Variants in A2M observed in about 807,000 individuals in gnomAD.
A2M encodes the protein alpha-2-macroglobulin, also known as C3 and PZP-like alpha-2-macroglobulin domain-containing protein 5.
A neutral mutation model predicts 183.9 loss-of-function variants in A2M; 128 were observed. That is an observed-to-expected ratio of 0.70 (90% confidence interval 0.60 to 0.81). A2M has a LOEUF of 0.81. A2M is among the 30% of genes least tolerant of loss of function. A2M has a pLI of 0.00. For missense variants in A2M, 1,495 were observed against 1,787.6 expected (o/e 0.84, Z 2.95); for synonymous variants, 592 against 670.8 (o/e 0.88, Z 1.81).
intron 24 of A2M, 139 bp from the exon 25 acceptor site, chr12:9,079,470 A>G: frequency 8.8e-7 from 1 of 1,130,202 alleles, no homozygotes; most frequent in East Asian, 2.5e-5. Context: ...TGAGCCTTAA[A>G]TATTTTATTG....
chr12:9,101,741 C>T (rs1937874924), intron 11 of A2M, 67 bp from the exon 12 acceptor site: 1 of 1,310,636 alleles, frequency 7.6e-7, no homozygotes. Flanking sequence ...TCTCACAAAA[C>T]TACGTAAGTT....
At position 9,069,603 on chromosome 12, in the gene A2M, G is replaced by T. The variant is rs1446957242; in HGVS notation, c.4263+142C>A. ...GGTGAAATATAAATAAAGGAGAGAA[G>T]AACATTCTTTTAGAGTTAACATTAG... On this transcript the variant is annotated intron_variant, in intron 33 of 35. Coordinates refer to ENST00000318602, the MANE Select transcript of A2M (RefSeq NM_000014.6). 5 of 555,784 alleles carry T rather than the reference G, an allele frequency of 9.0e-6. 1 individual carries two copies. The South Asian group carries it at 1.9e-4, about 21-fold the overall frequency. The allele number at this position is 555,784 out of a possible 1,614,324, so 34.4% of individuals were successfully genotyped here. A position where few individuals can be genotyped will look rare whatever the true frequency, so the allele number is the denominator to read the frequency against.
In A2M at chr12:9,112,493, A is replaced by G. The variant is rs763625244; in HGVS notation, c.314T>C (p.Val105Ala). Reference protein sequence around the residue: ...SSNEEVMFLTVQVKGPTQEFK... With the variant: ...SSNEEVMFLTAQVKGPTQEFK... ...TTCTTGGGTTGGTCCTTTCACTTGG[A>G]CAGTGAGGAACATTACCTCCTCATT... The change falls in exon 3 of 36, where the codon GTC (valine) becomes GCC (alanine). Residue 105 changes from valine to alanine, a missense_variant. Transcript: ENST00000318602. 3 of 1,613,724 alleles carry G rather than the reference A, an allele frequency of 1.9e-6. No homozygotes were observed. The South Asian group carries it at 3.3e-5, about 18-fold the overall frequency.
At chr12:9,069,587 T>C (rs930387903) in intron 33 of A2M, among the ~76,000 whole-genome samples, 158 bp downstream of exon 33, 4 of 152,194 alleles carry the variant, frequency 2.6e-5, no homozygotes, top group Middle Eastern at 3.2e-3. Flanking sequence ...TGGTGAAATA[T>C]AAATAAAGGA....
Position 9,104,952 on chromosome 12 carries a change from A to T in A2M, c.1105-552T>A, listed in dbSNP as rs763100028. 1.4e-3 allele frequency among the ~76,000 whole-genome samples: 209 copies of T among 152,290 alleles called. 1 individual carries two copies. The highest frequency in any genetic ancestry group is 4.7e-3 in the African/African-American group (194 of 41,562). On this transcript the variant is annotated intron_variant, in intron 10 of 35. Coordinates refer to ENST00000318602, the MANE Select transcript of A2M (RefSeq NM_000014.6). ...CTGTGTGTTTCTCCAGTTGCCTTAGACATGGTCTCTGCTTCTCAACCTAGA... is the reference window on the plus strand; with the variant it reads ...CTGTGTGTTTCTCCAGTTGCCTTAGTCATGGTCTCTGCTTCTCAACCTAGA...
chr12:9,070,770 C>G (rs969480352), intron 31 of A2M, among the ~76,000 whole-genome samples, 192 bp from the exon 32 acceptor site: 7 of 152,046 alleles, frequency 4.6e-5, no homozygotes, highest in African/African-American at 1.7e-4. Context: ...GAGACCAGGC[C>G]CTACTCTAGA....
intron 15 of A2M, among the ~76,000 whole-genome samples, chr12:9,096,790 A>C (rs770923914): frequency 6.6e-6 from 1 of 152,308 alleles, no homozygotes; most frequent in East Asian, 1.9e-4. Flanking sequence ...GGCATATTGC[A>C]TAATTATTGT....
chr12:9,068,097 T>C (rs1243687635), intron 35 of A2M, 86 bp downstream of exon 35: 18 of 1,449,312 alleles, frequency 1.2e-5, no homozygotes, highest in Middle Eastern at 1.8e-4. Context: ...TTGACAAATA[T>C]TTACCCAGCG....
chr12:9,089,081 G>T, intron 22 of A2M, 119 bp downstream of exon 22: 2 of 773,162 alleles, frequency 2.6e-6, no homozygotes, highest in Non-Finnish European at 2.1e-6. Context: ...TTTGTCAAAT[G>T]CATTGATGGT....
At chr12:9,111,946 AACTG>A in intron 4 of A2M, 1 of 723,212 alleles carries the variant, frequency 1.4e-6, no homozygotes, top group Admixed American at 1.8e-5. Context: ...ATTGTGTGAC[AACTG>A]ACTGAGTACC....
intron 7 of A2M, among the ~76,000 whole-genome samples, chr12:9,107,874 G>GTT (rs958520571): frequency 6.8e-6 from 1 of 146,724 alleles, no homozygotes; most frequent in Non-Finnish European, 1.5e-5. Flanking sequence ...TTTTTTCCTC[G>GTT]TTTTTTTTTA....
Position 9,069,926 on chromosome 12 carries a change from GC to G in A2M, c.4195-114del, listed in dbSNP as rs773851322. 188 of 878,040 alleles carry G rather than the reference GC, an allele frequency of 2.1e-4. 2 individuals carry two copies. The African/African-American group carries it at 2.8e-3, about 13-fold the overall frequency. 54.4% of individuals were successfully genotyped at this position (878,040 alleles called of 1,614,324 possible). A position where few individuals can be genotyped will look rare whatever the true frequency, so the allele number is the denominator to read the frequency against. On this transcript the variant is annotated intron_variant, in intron 32 of 35. Transcript: ENST00000318602. ...ACCCTGAGGGTAGAATTCTTCAAAT[GC>G]TTTTTGTAAGGAAATATATAATGTA...
chr12:9,095,992 C>T (rs1163765423), intron 15 of A2M, among the ~76,000 whole-genome samples: 1 of 151,746 alleles, frequency 6.6e-6, no homozygotes, highest in East Asian at 1.9e-4. Flanking sequence ...ATCTCCTGAC[C>T]TCATGATCCA....
Position 9,079,713 on chromosome 12 carries a change from A to C in A2M, c.2957T>G (p.Val986Gly). 6.2e-7 allele frequency: 1 copy of C among 1,613,752 alleles called. No homozygotes were observed. Among genetic ancestry groups the C allele is most frequent in the Non-Finnish European group, 8.5e-7 (1 of 1,179,770 alleles). The part of the protein sequence containing the change: ...NMVLFAPNIY[V>G]LDYLNETQQL... ...CTGTGTTTCATTTAGATAATCCAGT[A>C]CATAGATGTTAGGAGCAAAGAGGAC... is the stretch of plus-strand genomic sequence containing the variant. Residue 986 changes from valine (V) to glycine (G), a missense_variant, in exon 24 of 36, where the codon GTA becomes GGA. By Grantham distance (109) the Val-to-Gly change is moderately radical. Coordinates refer to ENST00000318602, the MANE Select transcript of A2M (RefSeq NM_000014.6).
intron 13 of A2M, among the ~76,000 whole-genome samples, chr12:9,100,220 A>T (rs953595865): frequency 6.6e-6 from 1 of 152,208 alleles, no homozygotes; most frequent in African/African-American, 2.4e-5. Flanking sequence ...GAAAAAAGAT[A>T]TTTATAATAA....
rs776280826 is a variant in A2M at position 9,106,486 on chromosome 12, C to G, written c.994+5G>C. On this transcript the variant is annotated splice_donor_5th_base_variant and intron_variant, in intron 9 of 35. Transcript: ENST00000318602. ...TTTTCTCTTATACCCATGTAGTACACAAACCTGTTCCTTCTTCTTGGATCT... is the reference window on the plus strand; with the variant it reads ...TTTTCTCTTATACCCATGTAGTACAGAAACCTGTTCCTTCTTCTTGGATCT... The G allele has an allele frequency of 1.3e-6, 2 of 1,574,698 alleles. No homozygotes were observed. Among genetic ancestry groups the G allele is most frequent in the South Asian group, 2.3e-5 (2 of 87,806 alleles).
At position 9,090,346 on chromosome 12, in the gene A2M, T is replaced by G. The variant is rs140398001; in HGVS notation, c.2596+10A>C. 909 of 1,613,984 alleles carry G rather than the reference T, an allele frequency of 5.6e-4. 6 individuals carry two copies. In the African/African-American group the frequency reaches 0.01, roughly 18 times the overall value. ...GAGTAGAGAATTATCTCTAGCAGTT[T>G]TTTGCTCACCTAATGACTTTGGGGT... is the stretch of plus-strand genomic sequence containing the variant. On this transcript the variant is annotated intron_variant, in intron 20 of 35. Coordinates refer to ENST00000318602, the MANE Select transcript of A2M (RefSeq NM_000014.6).
At chr12:9,092,741 T>C (rs1199519096) in intron 18 of A2M, among the ~76,000 whole-genome samples, 1 of 152,214 alleles carries the variant, frequency 6.6e-6, no homozygotes, top group Non-Finnish European at 1.5e-5. Context: ...CTACCATATG[T>C]CCCAGAAATC....
chr12:9,107,348 G>A (rs371960118), intron 8 of A2M, among the ~76,000 whole-genome samples, 176 bp downstream of exon 8: 4 of 152,136 alleles, frequency 2.6e-5, no homozygotes, highest in South Asian at 2.1e-4. Flanking sequence ...GGGCAATTAC[G>A]AGAAATAAAT....
Sources: gnomAD v4.1 joint callset for allele counts (sites outside exome capture counted in the v4.1 genomes callset) on GRCh38, gnomAD v4.1.1 for gene constraint, MANE v1.5 for transcripts, NCBI Gene and HGNC (gene_info 2026-07-23, HGNC 2026-07-21) for gene names.